BCL6B: variants seen among roughly 807,000 people sequenced by gnomAD.
BCL6B encodes the protein B-cell CLL/lymphoma 6 member B protein.
BCL6B carries 28 observed loss-of-function variants against 44.6 expected under a neutral mutation model. That is an observed-to-expected ratio of 0.63 (90% CI 0.47 to 0.86). The LOEUF is 0.86. Among genes scored for constraint, BCL6B ranks in the 40% least tolerant of loss-of-function variants. The pLI is 0.00. For missense variants in BCL6B, 626 were observed against 652.3 expected (o/e 0.96, Z 0.44); for synonymous variants, 268 against 263.6 (o/e 1.02, Z -0.16).
rs1375887377 is a variant in BCL6B at position 7,024,978 on chromosome 17, C to T, written c.765-98C>T. ...TCATTGGTCAACAATATTGGCTCAC[C>T]CTGAGAGGGCAGGCCTTTGGCTCCA... is the stretch of plus-strand genomic sequence containing the variant. On this transcript the variant is annotated intron_variant, in intron 4 of 8. Transcript: ENST00000293805. This position sits in a 1 kb window ranked among gnomAD's most constrained non-coding sequence, Gnocchi z 6.6. 1 of 1,537,668 alleles carries T rather than the reference C, an allele frequency of 6.5e-7. No individual in the cohort carries two copies. Among genetic ancestry groups the T allele is most frequent in the Non-Finnish European group, 8.8e-7 (1 of 1,140,398 alleles).
chr17:7,028,503 G>A lies in BCL6B; in HGVS notation c.*884G>A, dbSNP rs1168040829. 2 of 124,816 alleles carry A rather than the reference G, an allele frequency of 1.6e-5. No individual in the cohort carries two copies. The highest frequency in any genetic ancestry group is 1.7e-5 in the Non-Finnish European group (2 of 115,666). The allele number at this position is 124,816 out of a possible 1,614,324, so 7.7% of individuals were successfully genotyped here. A position where few individuals can be genotyped will look rare whatever the true frequency, so the allele number is the denominator to read the frequency against. Reference sequence around the variant, plus strand: ...TATCACTCCAAGTGGAGGCTGGCAGGTTTTTCTGCAAGATGGTCCAGAATC... The same window carrying A: ...TATCACTCCAAGTGGAGGCTGGCAGATTTTTCTGCAAGATGGTCCAGAATC... On this transcript the variant is annotated 3_prime_UTR_variant, in exon 9 of 9. Transcript: ENST00000293805.
intron 1 of BCL6B, 172 bp downstream of exon 1, chr17:7,023,271 G>T: frequency 9.6e-6 from 2 of 208,792 alleles, no homozygotes; most frequent in East Asian, 2.3e-4. Flanking sequence ...CCTCGGCTGG[G>T]ATTTGGAGGT....
In BCL6B at chr17:7,024,813, A is replaced by G; in HGVS notation, c.764+50A>G. ...TTTGTCAGAGCTGGCCTCAGCTAGA[A>G]GACAGAGTCATTGGGCCTTGATGGT... On this transcript the variant is annotated intron_variant, in intron 4 of 8. Coordinates refer to ENST00000293805, the MANE Select transcript of BCL6B (RefSeq NM_181844.4). This position sits in a 1 kb window ranked among gnomAD's most constrained non-coding sequence, Gnocchi z 6.6. The G allele has an allele frequency of 6.5e-7, 1 of 1,541,166 alleles. No homozygotes were observed. Among genetic ancestry groups the G allele is most frequent in the South Asian group, 1.2e-5 (1 of 83,810 alleles).
Position 7,023,733 on chromosome 17 carries a change from C to G in BCL6B, c.62C>G (p.Ser21Cys). 1 of 1,613,292 alleles carries G rather than the reference C, an allele frequency of 6.2e-7. No homozygotes were observed. The highest frequency in any genetic ancestry group is 8.5e-7 in the Non-Finnish European group (1 of 1,180,030). Residue 21 changes from serine (S) to cysteine (C), a missense_variant, in exon 2 of 9, where the codon TCC becomes TGC. Physicochemically the swap from Ser to Cys is moderately radical, Grantham distance 112. Transcript: ENST00000293805. ...TACGTCCGCGAGTTCACTCGCCACT[C>G]CTCCGACGTGCTGGGCAACCTCAAC... ...LGYVREFTRHSSDVLGNLNEL... is the reference protein window; with the variant it reads ...LGYVREFTRHCSDVLGNLNEL...
chr17:7,023,271 G>C (rs544013526), intron 1 of BCL6B, 172 bp downstream of exon 1: 120 of 208,910 alleles, frequency 5.7e-4, no homozygotes, highest in Non-Finnish European at 9.4e-4. Flanking sequence ...CCTCGGCTGG[G>C]ATTTGGAGGT....
At position 7,027,682 on chromosome 17, in the gene BCL6B, G is replaced by A. The variant is rs1910338444; in HGVS notation, c.*63G>A. 1.2e-6 allele frequency: 2 copies of A among 1,604,068 alleles called. No homozygotes were observed. The highest frequency in any genetic ancestry group is 1.1e-5 in the South Asian group (1 of 90,890). On this transcript the variant is annotated 3_prime_UTR_variant, in exon 9 of 9. Transcript: ENST00000293805. ...TGGGAAAGCTGCAGGCCCAGGCCTT[G>A]CTTCCCTATCAGGCTTGGGCATAGG...
Position 7,026,962 on chromosome 17 carries a change from C to A in BCL6B, c.1198C>A (p.Arg400=). 1 of 1,612,524 alleles carries A rather than the reference C, an allele frequency of 6.2e-7. No homozygotes were observed. The highest frequency in any genetic ancestry group is 1.1e-5 in the South Asian group (1 of 91,056). ...GSRFVQVAHL[R]AHVLIHTGEK... The stretch of plus-strand genomic sequence containing the variant: ...TCCTCCCTCCCAGGTGGCACATCTG[C>A]GGGCGCACGTGCTGATCCACACCGG... Residue 400 remains arginine (R), a synonymous_variant, in exon 8 of 9, where the codon CGG becomes AGG. Transcript: ENST00000293805.
chr17:7,025,208 C>T lies in BCL6B; in HGVS notation c.889+8C>T, dbSNP rs1215627789. On this transcript the variant is annotated splice_region_variant and intron_variant, in intron 5 of 8. Coordinates refer to ENST00000293805, the MANE Select transcript of BCL6B (RefSeq NM_181844.4). ...GGGCTCGTCCACTACCGGGTAAGAG[C>T]CCCTCTTTCTTGGCTTTTCTCCCGT... The T allele has an allele frequency of 6.2e-7, 1 of 1,613,558 alleles. No homozygotes were observed. The highest frequency in any genetic ancestry group is 1.3e-5 in the African/African-American group (1 of 75,016).
In BCL6B at chr17:7,024,870, G is replaced by A; in HGVS notation, c.764+107G>A. ...GAAGGGAGATAGGTGGTGGGTTTCA[G>A]AGACACTAGCTCACCTTAAGGAGCT... On this transcript the variant is annotated intron_variant, in intron 4 of 8. Transcript: ENST00000293805. This position sits in a 1 kb window ranked among gnomAD's most constrained non-coding sequence, Gnocchi z 6.6. 6.8e-7 allele frequency: 1 copy of A among 1,477,532 alleles called. No individual in the cohort carries two copies. Among genetic ancestry groups the A allele is most frequent in the Non-Finnish European group, 9.0e-7 (1 of 1,115,926 alleles). 91.5% of individuals were successfully genotyped at this position (1,477,532 alleles called of 1,614,324 possible).
Position 7,024,620 on chromosome 17 carries a change from C to T in BCL6B, c.621C>T (p.Ser207=), listed in dbSNP as rs1206758998. Reference sequence around the variant, plus strand: ...ACATCGTGCTAAACTCTCAGGCCTCCCAAGCAGGGAGCCTGGTCGGGGAGA... The same window carrying T: ...ACATCGTGCTAAACTCTCAGGCCTCTCAAGCAGGGAGCCTGGTCGGGGAGA... ...YKYIVLNSQA[S]QAGSLVGERS... The change falls in exon 4 of 9, where the codon TCC becomes TCT. Residue 207 remains serine (S), a synonymous_variant. Transcript: ENST00000293805. This position sits in a 1 kb window ranked among gnomAD's most constrained non-coding sequence, Gnocchi z 6.6. 2 of 1,614,144 alleles carry T rather than the reference C, an allele frequency of 1.2e-6. No individual in the cohort carries two copies. The highest frequency in any genetic ancestry group is 4.5e-5 in the East Asian group (2 of 44,880).
chr17:7,026,626 G>A lies in BCL6B; in HGVS notation c.1054+5G>A. The A allele has an allele frequency of 6.2e-7, 1 of 1,614,106 alleles. No homozygotes were observed. The highest frequency in any genetic ancestry group is 8.5e-7 in the Non-Finnish European group (1 of 1,179,960). ...GTCATCGTACAGTGCACACAGGTAG[G>A]GGAAGAGAGGGCCCTGGCCTTCAAG... is the stretch of plus-strand genomic sequence containing the variant. On this transcript the variant is annotated splice_donor_5th_base_variant and intron_variant, in intron 6 of 8. Coordinates refer to ENST00000293805, the MANE Select transcript of BCL6B (RefSeq NM_181844.4).
At chr17:7,027,340 C>CCTAT (rs1391698888) in intron 8 of BCL6B, among the ~76,000 whole-genome samples, 163 bp from the exon 9 acceptor site, 3 of 152,146 alleles carry the variant, frequency 2.0e-5, no homozygotes, top group Non-Finnish European at 4.4e-5. Context: ...TAAGGCGGGG[C>CCTAT]CTATCCCCTC....
Position 7,028,997 on chromosome 17 carries a change from C to A in BCL6B, c.*1378C>A, listed in dbSNP as rs1910382322. ...TGGGTCTGTGACCTGGTCTTCCCAT[C>A]CCTGCATTCCTGTCTGGAACCAGTG... On this transcript the variant is annotated 3_prime_UTR_variant, in exon 9 of 9. Transcript: ENST00000293805. 2 of 985,452 alleles carry A rather than the reference C, an allele frequency of 2.0e-6. No individual in the cohort carries two copies. Among genetic ancestry groups the A allele is most frequent in the Non-Finnish European group, 2.4e-6 (2 of 829,946 alleles). The allele number at this position is 985,452 out of a possible 1,614,324, so 61.0% of individuals were successfully genotyped here. A position where few individuals can be genotyped will look rare whatever the true frequency, so the allele number is the denominator to read the frequency against.
chr17:7,025,494 G>T (rs531405190), intron 5 of BCL6B, among the ~76,000 whole-genome samples: 66 of 152,230 alleles, frequency 4.3e-4, no homozygotes, highest in African/African-American at 1.6e-3. Flanking sequence ...CCCAAAGCTT[G>T]TCAGGGCCTC....
chr17:7,028,241 G>C lies in BCL6B; in HGVS notation c.*622G>C. 8.1e-6 allele frequency: 8 copies of C among 985,710 alleles called. No individual in the cohort carries two copies. Among genetic ancestry groups the C allele is most frequent in the Non-Finnish European group, 9.6e-6 (8 of 830,202 alleles). 61.1% of individuals were successfully genotyped at this position (985,710 alleles called of 1,614,324 possible). On this transcript the variant is annotated 3_prime_UTR_variant, in exon 9 of 9. Coordinates refer to ENST00000293805, the MANE Select transcript of BCL6B (RefSeq NM_181844.4). Reference sequence around the variant, plus strand: ...CTGTGTTCTGCCCCTGTAATTCTAGGTCTGGAACCTTTATTTGTTCTAGGG... The same window carrying C: ...CTGTGTTCTGCCCCTGTAATTCTAGCTCTGGAACCTTTATTTGTTCTAGGG...
chr17:7,023,699 G>A lies in BCL6B; in HGVS notation c.28G>A (p.Ala10Thr), dbSNP rs766636884. The A allele has an allele frequency of 2.5e-6, 4 of 1,613,012 alleles. No homozygotes were observed. In the South Asian group the frequency reaches 3.3e-5, roughly 13 times the overall value. The stretch of plus-strand genomic sequence containing the variant: ...GGGTTCCCCCGCCGCCCCGGAGGGA[G>A]CGCTGGGCTACGTCCGCGAGTTCAC... MGSPAAPEG[A>T]LGYVREFTRH... is the part of the protein sequence containing the mutation. Residue 10 changes from alanine to threonine, a missense_variant, in exon 2 of 9, where the codon GCG (alanine) becomes ACG (threonine). Ala to Thr is a moderately conservative substitution (Grantham distance 58). Coordinates refer to ENST00000293805, the MANE Select transcript of BCL6B (RefSeq NM_181844.4).
chr17:7,029,360 GTAA>G lies in BCL6B; in HGVS notation c.*1742_*1744del, dbSNP rs1910392781. 1.6e-5 allele frequency: 14 copies of G among 861,916 alleles called. No homozygotes were observed. The highest frequency in any genetic ancestry group is 1.9e-5 in the Non-Finnish European group (14 of 722,962). The allele number at this position is 861,916 out of a possible 1,614,324, so 53.4% of individuals were successfully genotyped here. A position where few individuals can be genotyped will look rare whatever the true frequency, so the allele number is the denominator to read the frequency against. ...TCTGATTATGGGACGAGGGTAGAAA[GTAA>G]GAAGCACTTTTGAATTTGTGGGGTA... On this transcript the variant is annotated 3_prime_UTR_variant, in exon 9 of 9. Transcript: ENST00000293805.
rs1910304989 is a variant in BCL6B, at chr17:7,026,805, G to C, written c.1155G>C (p.Lys385Asn). ...SRIHSGEKPY[K>N]CETCGSRFVQ... ...TCCATTCGGGAGAGAAGCCGTATAA[G>C]TGTGAGACGTGCGGCTCGCGCTTTG... Residue 385 changes from lysine (K) to asparagine (N), a missense_variant, in exon 7 of 9, where the codon AAG (lysine) becomes AAC (asparagine). By Grantham distance (94) the Lys-to-Asn change is moderately conservative (BLOSUM62 0). Coordinates refer to ENST00000293805, the MANE Select transcript of BCL6B (RefSeq NM_181844.4). The C allele has an allele frequency of 6.2e-7, 1 of 1,614,136 alleles. No homozygotes were observed. Among genetic ancestry groups the C allele is most frequent in the African/African-American group, 1.3e-5 (1 of 75,070 alleles).
chr17:7,029,189 G>T lies in BCL6B; in HGVS notation c.*1570G>T. 3 of 985,830 alleles carry T rather than the reference G, an allele frequency of 3.0e-6. No individual in the cohort carries two copies. The highest frequency in any genetic ancestry group is 2.4e-6 in the Non-Finnish European group (2 of 830,224). 61.1% of individuals were successfully genotyped at this position (985,830 alleles called of 1,614,324 possible). On this transcript the variant is annotated 3_prime_UTR_variant, in exon 9 of 9. Coordinates refer to ENST00000293805, the MANE Select transcript of BCL6B (RefSeq NM_181844.4). ...AAGTTTCAAGTAGGATTAAGAGGTT[G>T]GTTGAGGGGTGCAGTTTCTGGTGTA...
Sources: gnomAD v4.1 joint callset for allele counts (sites outside exome capture counted in the v4.1 genomes callset) on GRCh38, gnomAD v4.1.1 for gene constraint, Gnocchi (gnomAD v3.1) non-coding constraint, MANE v1.5 for transcripts, NCBI Gene and HGNC (gene_info 2026-07-23, HGNC 2026-07-21) for gene names.